The following WDR59 variants were observed in gnomAD, a reference collection of about 807,000 sequenced individuals.
WDR59 encodes GATOR2 complex protein WDR59.
Under a neutral mutation model 131.2 loss-of-function variants are expected in WDR59, and 100 were observed. The observed-to-expected ratio is 0.76, with a 90% CI of 0.65 to 0.90. WDR59 has a LOEUF of 0.90. Among genes scored for constraint, WDR59 ranks in the 40% least tolerant of loss-of-function variants. The probability of loss-of-function intolerance (pLI) is 0.00; values close to 1 mark genes in which losing one functional copy is unlikely to be tolerated. For synonymous variants in WDR59, 601 were observed against 466.2 expected (o/e 1.29, Z -3.72); for missense variants, 1,203 against 1,262.2 (o/e 0.95, Z 0.71).
chr16:74,915,719 T>C (rs1214958074), intron 13 of WDR59, 151 bp downstream of exon 13: 5 of 1,182,842 alleles, frequency 4.2e-6, no homozygotes, highest in African/African-American at 3.0e-5. Context: ...CCACCGCGCC[T>C]GGCCAGAAAA....
intron 25 of WDR59, among the ~76,000 whole-genome samples, chr16:74,882,959 C>T (rs1266688601): frequency 1.3e-5 from 2 of 150,194 alleles, no homozygotes; most frequent in Non-Finnish European, 3.0e-5. Flanking sequence ...CCCACCCCAT[C>T]GCTCCCTAGA....
intron 1 of WDR59, among the ~76,000 whole-genome samples, chr16:74,977,287 A>G (rs2145242425): frequency 6.6e-6 from 1 of 152,244 alleles, no homozygotes; most frequent in African/African-American, 2.4e-5. Context: ...TAATACCATA[A>G]AAAGAATGAA....
At chr16:74,981,158 G>C (rs1346394670) in intron 1 of WDR59, among the ~76,000 whole-genome samples, 5 of 151,668 alleles carry the variant, frequency 3.3e-5, no homozygotes, top group Non-Finnish European at 5.9e-5. Flanking sequence ...AAGGTCAGGA[G>C]ATCGAGACCA....
chr16:74,946,706 G>C (rs1250173876), intron 6 of WDR59, among the ~76,000 whole-genome samples: 1 of 151,870 alleles, frequency 6.6e-6, no homozygotes, highest in East Asian at 1.9e-4. Context: ...CTGGGTGACA[G>C]AGTGAGGATC....
chr16:74,913,109 T>A (rs1284329029), intron 13 of WDR59, among the ~76,000 whole-genome samples: 2 of 152,070 alleles, frequency 1.3e-5, no homozygotes, highest in Admixed American at 1.3e-4. Flanking sequence ...GTCCCCCTTC[T>A]TTGATTTGCA....
chr16:74,958,173 T>C (rs1257235823), intron 2 of WDR59, among the ~76,000 whole-genome samples: 1 of 152,036 alleles, frequency 6.6e-6, no homozygotes. Flanking sequence ...GGAACATAGG[T>C]GTTTATCTTC....
intron 6 of WDR59, among the ~76,000 whole-genome samples, chr16:74,944,713 TC>T (rs2032484694): frequency 6.6e-6 from 1 of 151,804 alleles, no homozygotes; most frequent in African/African-American, 2.4e-5. Context: ...TTGCCTCTTT[TC>T]CCCCAGGGTA....
At chr16:74,892,633 T>A in intron 19 of WDR59, 68 bp from the exon 20 acceptor site, 1 of 1,288,648 alleles carries the variant, frequency 7.8e-7, no homozygotes. Flanking sequence ...GACTCCCAGT[T>A]TAACAGACAG....
At chr16:74,879,258 T>C (rs1456636339) in intron 25 of WDR59, among the ~76,000 whole-genome samples, 1 of 152,112 alleles carries the variant, frequency 6.6e-6, no homozygotes, top group Non-Finnish European at 1.5e-5. Flanking sequence ...CTTAGGAGAC[T>C]GTGGTGGGAG....
rs942574972 is a variant in WDR59 at position 74,886,699 on chromosome 16, C to G, written c.2420-303G>C. 4.6e-5 allele frequency among the ~76,000 whole-genome samples: 7 copies of G among 152,146 alleles called. No individual in the cohort carries two copies. In the South Asian group the frequency reaches 6.2e-4, roughly 14 times the overall value. On this transcript the variant is annotated intron_variant, in intron 23 of 25. Coordinates refer to ENST00000262144, the MANE Select transcript of WDR59 (RefSeq NM_030581.4). The stretch of plus-strand genomic sequence containing the variant: ...CTTTTGGAGGCCCAGGCAGGCAGAT[C>G]ACCTGAGGTCAGAGGTTTGAGACCA...
At chr16:74,947,675 T>C (rs1170812414) in intron 6 of WDR59, among the ~76,000 whole-genome samples, 5 of 152,252 alleles carry the variant, frequency 3.3e-5, no homozygotes, top group African/African-American at 7.2e-5. Context: ...GAGTTACTGT[T>C]AATATTTTTA....
chr16:74,928,309 G>C (rs1393044771), intron 8 of WDR59, among the ~76,000 whole-genome samples: 1 of 149,048 alleles, frequency 6.7e-6, no homozygotes, highest in Non-Finnish European at 1.5e-5. Context: ...GACCTCCCCA[G>C]TTCAAGTGAT....
chr16:74,965,933 A>G, intron 1 of WDR59, 111 bp from the exon 2 acceptor site: 1 of 1,070,034 alleles, frequency 9.3e-7, no homozygotes, highest in East Asian at 2.4e-5. Flanking sequence ...CCCAGCTCGC[A>G]GGTATCATTA....
At position 74,873,973 on chromosome 16, in the gene WDR59, A is replaced by G. The variant is rs1964079392; in HGVS notation, c.*236T>C. On this transcript the variant is annotated 3_prime_UTR_variant, in exon 26 of 26. Coordinates refer to ENST00000262144, the MANE Select transcript of WDR59 (RefSeq NM_030581.4). ...AGCTCAGCCGACATAGACAACACAC[A>G]AAGCGCAGCTCTGCACTTCTGTCCT... The G allele has an allele frequency of 1.9e-6, 1 of 527,510 alleles. No homozygotes were observed. The highest frequency in any genetic ancestry group is 3.2e-5 in the East Asian group (1 of 31,418). 32.7% of individuals were successfully genotyped at this position (527,510 alleles called of 1,614,324 possible).
At chr16:74,947,621 A>G (rs1054824897) in intron 6 of WDR59, among the ~76,000 whole-genome samples, 1 of 152,218 alleles carries the variant, frequency 6.6e-6, no homozygotes, top group African/African-American at 2.4e-5. Context: ...GAGAGAGACT[A>G]TTGGGGAAAT....
chr16:74,884,446 T>G (rs2144785727), intron 25 of WDR59, among the ~76,000 whole-genome samples: 1 of 152,342 alleles, frequency 6.6e-6, no homozygotes, highest in South Asian at 2.1e-4. Context: ...CCTCCTGGGT[T>G]CAAGCGATTC....
At chr16:74,886,572 G>T in intron 23 of WDR59, 176 bp from the exon 24 acceptor site, 1 of 771,286 alleles carries the variant, frequency 1.3e-6, no homozygotes. Context: ...GCCTTTTTGC[G>T]CAGGTATTTA....
At chr16:74,909,391 T>C in intron 16 of WDR59, 110 bp downstream of exon 16, 2 of 1,352,084 alleles carry the variant, frequency 1.5e-6, no homozygotes, top group Non-Finnish European at 1.9e-6. Context: ...CTCGTTTGAG[T>C]TCTCGGGAGT....
chr16:74,968,796 A>T (rs929470754), intron 1 of WDR59, among the ~76,000 whole-genome samples: 4 of 152,000 alleles, frequency 2.6e-5, no homozygotes, highest in African/African-American at 4.8e-5. Context: ...GAAGTTATTT[A>T]AAAAAAAGAA....
Sources: allele counts gnomAD v4.1 joint callset (sites outside exome capture counted in the v4.1 genomes callset), GRCh38; gene constraint gnomAD v4.1.1; transcripts MANE v1.5; gene names NCBI Gene and HGNC (gene_info 2026-07-23, HGNC 2026-07-21).